The following VWA5B1 variants were observed in gnomAD, a reference collection of about 807,000 sequenced individuals.
VWA5B1 encodes the protein von Willebrand factor A domain containing 5B1, also known as von Willebrand factor A domain-containing protein 5B1.
In VWA5B1, 115 loss-of-function variants were observed where a neutral mutation model predicts 118.2. The ratio of observed to expected loss-of-function variants is 0.97; its 90% CI spans 0.84 to 1.14. VWA5B1 has a LOEUF of 1.14. Ranked by LOEUF, VWA5B1 falls within the 50% of genes most tolerant of loss-of-function variation. The pLI is 0.00. For missense variants in VWA5B1, 1,596 were observed against 1,603.8 expected (o/e 1.00, Z 0.08); for synonymous variants, 682 against 658.4 (o/e 1.04, Z -0.55).
intron 1 of VWA5B1, among the ~76,000 whole-genome samples, chr1:20,300,119 C>T (rs1293333109): frequency 6.6e-6 from 1 of 152,210 alleles, no homozygotes; most frequent in African/African-American, 2.4e-5. Context: ...AGGTTTTCTT[C>T]ACCTTTCTAG....
chr1:20,335,758 CCGT>C (rs2089697153), intron 12 of VWA5B1, among the ~76,000 whole-genome samples: 1 of 152,172 alleles, frequency 6.6e-6, no homozygotes, highest in African/African-American at 2.4e-5. Flanking sequence ...ATAAAGGTCT[CCGT>C]CGTCATTGTC....
intron 14 of VWA5B1, chr1:20,338,411 GC>G: frequency 4.3e-6 from 1 of 231,458 alleles, no homozygotes; most frequent in Non-Finnish European, 8.7e-6. Context: ...GTGCAGTGGT[GC>G]CATCTCAGCT....
In VWA5B1 at chr1:20,332,804, G is replaced by A. The variant is rs374100653; in HGVS notation, c.1611G>A (p.Leu537=). 149 of 1,551,788 alleles carry A rather than the reference G, an allele frequency of 9.6e-5. No homozygotes were observed. In the African/African-American group the frequency reaches 1.8e-3, roughly 19 times the overall value. ...KSLKKAMAPV[L]SDVTVEWIFP... is the part of the protein sequence containing the mutation. ...TGAAGAAGGCCATGGCCCCAGTCCT[G>A]AGCGATGTGACTGTGGAGTGGATCT... is the stretch of plus-strand genomic sequence containing the variant. The change falls in exon 12 of 22, where the codon CTG becomes CTA. Residue 537 remains leucine, a synonymous_variant. Coordinates refer to ENST00000289815, the MANE Select transcript of VWA5B1 (RefSeq NM_001039500.3).
chr1:20,321,842 G>A (rs747214409), intron 7 of VWA5B1, among the ~76,000 whole-genome samples: 7 of 152,160 alleles, frequency 4.6e-5, no homozygotes, highest in Admixed American at 4.6e-4. Flanking sequence ...GAAATATAGG[G>A]AGCAGAGTGG....
At chr1:20,303,388 C>T (rs1570052472) in intron 1 of VWA5B1, 1 of 152,456 alleles carries the variant, frequency 6.6e-6, no homozygotes, top group African/African-American at 2.4e-5. Context: ...GTGGGAGGAA[C>T]ATGTTTCTGG....
chr1:20,343,447 C>T (rs2089932689), intron 16 of VWA5B1, 54 bp downstream of exon 16: 1 of 1,457,580 alleles, frequency 6.9e-7, no homozygotes, highest in East Asian at 2.5e-5. Flanking sequence ...AGGACAGCCC[C>T]GCTCCACAGC....
chr1:20,293,291 A>ATTGACTGG (rs1308949267), intron 1 of VWA5B1, among the ~76,000 whole-genome samples: 1 of 59,458 alleles, frequency 1.7e-5, no homozygotes, highest in Non-Finnish European at 3.0e-5. Flanking sequence ...CAGCACCTTC[A>ATTGACTGG]CTGACCTCTT....
Position 20,354,552 on chromosome 1 carries a change from C to T in VWA5B1, c.*289C>T, listed in dbSNP as rs369430117. 2 of 424,332 alleles carry T rather than the reference C, an allele frequency of 4.7e-6. No homozygotes were observed. Among genetic ancestry groups the T allele is most frequent in the East Asian group, 9.9e-5 (2 of 20,212 alleles). 26.3% of individuals were successfully genotyped at this position (424,332 alleles called of 1,614,324 possible). ...TGGATCTCAAATGGTTCAGTGGTTCCTTTCTGCCCATTCAGGCAGTCCCGG... is the reference window on the plus strand; with the variant it reads ...TGGATCTCAAATGGTTCAGTGGTTCTTTTCTGCCCATTCAGGCAGTCCCGG... On this transcript the variant is annotated 3_prime_UTR_variant, in exon 22 of 22. Coordinates refer to ENST00000289815, the MANE Select transcript of VWA5B1 (RefSeq NM_001039500.3).
Position 20,337,667 on chromosome 1 carries a change from G to C in VWA5B1, c.1964G>C (p.Arg655Pro). 6.4e-7 allele frequency: 1 copy of C among 1,551,580 alleles called. No individual in the cohort carries two copies. Among genetic ancestry groups the C allele is most frequent in the Non-Finnish European group, 8.7e-7 (1 of 1,146,962 alleles). Residue 655 changes from arginine (R) to proline (P), a missense_variant, in exon 14 of 22, where the codon CGG (arginine) becomes CCG (proline). By Grantham distance (103) the Arg-to-Pro change is moderately radical (BLOSUM62 -2). Transcript: ENST00000289815. ...CCAGATCTGAACCTCTCTCAGCGAC[G>C]GAGGGCATACAGCACCAACCAGATC... ...TKHDLNLSQRRRAYSTNQITN... is the reference protein window; with the variant it reads ...TKHDLNLSQRPRAYSTNQITN...
chr1:20,336,604 C>G (rs560346469), intron 13 of VWA5B1, 118 bp downstream of exon 13: 1 of 1,132,940 alleles, frequency 8.8e-7, no homozygotes, highest in Non-Finnish European at 1.1e-6. Context: ...ACTGTTATAC[C>G]CACTTTACAG....
At chr1:20,304,634 A>G (rs1438402771) in intron 1 of VWA5B1, among the ~76,000 whole-genome samples, 1 of 151,818 alleles carries the variant, frequency 6.6e-6, no homozygotes, top group South Asian at 2.1e-4. Flanking sequence ...TGGAGGTTGA[A>G]GGAACAGGTA....
chr1:20,336,202 A>T, intron 12 of VWA5B1, 101 bp from the exon 13 acceptor site: 1 of 1,081,242 alleles, frequency 9.2e-7, no homozygotes, highest in Non-Finnish European at 1.2e-6. Context: ...TTCTTCAGAG[A>T]TGAAAACCGC....
At chr1:20,302,822 C>T (rs1474884203) in intron 1 of VWA5B1, among the ~76,000 whole-genome samples, 1 of 152,030 alleles carries the variant, frequency 6.6e-6, no homozygotes, top group East Asian at 1.9e-4. Flanking sequence ...GCATTCCTGG[C>T]AAAGCCCACA....
intron 1 of VWA5B1, among the ~76,000 whole-genome samples, chr1:20,305,457 G>A (rs984086608): frequency 6.6e-6 from 1 of 152,232 alleles, no homozygotes; most frequent in South Asian, 2.1e-4. Context: ...GTATGATTGA[G>A]ACCTTAGAGA....
At chr1:20,342,254 A>G (rs2100985287) in intron 14 of VWA5B1, among the ~76,000 whole-genome samples, 178 bp from the exon 15 acceptor site, 1 of 134,778 alleles carries the variant, frequency 7.4e-6, no homozygotes, top group Non-Finnish European at 1.6e-5. Context: ...TGCGTCCCTG[A>G]GTACTGGAGG....
At chr1:20,313,218 A>T (rs1395699600) in intron 3 of VWA5B1, among the ~76,000 whole-genome samples, 2 of 152,222 alleles carry the variant, frequency 1.3e-5, no homozygotes, top group African/African-American at 4.8e-5. Flanking sequence ...TTCTGTAGTC[A>T]CCTCAAAAGT....
intron 1 of VWA5B1, among the ~76,000 whole-genome samples, chr1:20,297,536 T>C (rs1333785094): frequency 1.3e-5 from 2 of 152,228 alleles, no homozygotes; most frequent in African/African-American, 2.4e-5. Context: ...ATCTGTACAA[T>C]GGCATGAAGA....
chr1:20,327,650 C>T (rs868845372), intron 8 of VWA5B1, among the ~76,000 whole-genome samples: 10 of 147,490 alleles, frequency 6.8e-5, no homozygotes, highest in East Asian at 2.0e-4. Flanking sequence ...ACGACGACGA[C>T]GATGATGATG....
chr1:20,340,701 T>C (rs2089854122), intron 14 of VWA5B1, among the ~76,000 whole-genome samples: 1 of 152,218 alleles, frequency 6.6e-6, no homozygotes, highest in African/African-American at 2.4e-5. Flanking sequence ...ACAAAAGTAA[T>C]ACATACTCAG....
Sources: allele counts gnomAD v4.1 joint callset (sites outside exome capture counted in the v4.1 genomes callset), GRCh38; gene constraint gnomAD v4.1.1; transcripts MANE v1.5; gene names NCBI Gene and HGNC (gene_info 2026-07-23, HGNC 2026-07-21).